The following TUBE1 variants were observed in gnomAD, a reference collection of about 807,000 sequenced individuals.
TUBE1 encodes the protein tubulin epsilon chain.
A neutral mutation model predicts 53.5 loss-of-function variants in TUBE1; 34 were observed. That is an observed-to-expected ratio of 0.64 (90% CI 0.48 to 0.85). The LOEUF (loss-of-function observed/expected upper bound fraction) is 0.85, where lower values mean the gene tolerates loss of function less well. Among genes scored for constraint, TUBE1 ranks in the 40% least tolerant of loss-of-function variants. The pLI is 0.00. For synonymous variants in TUBE1, 177 were observed against 198.4 expected (o/e 0.89, Z 0.91); for missense variants, 532 against 570.5 (o/e 0.93, Z 0.69).
At position 112,076,104 on chromosome 6, in the gene TUBE1, A is replaced by G; in HGVS notation, c.645T>C (p.Phe215=). ...CVLPIDNQSL[F]DIISKIDLMV... The stretch of plus-strand genomic sequence containing the variant: ...TGAGGTCGATTTTGCTAATGATGTC[A>G]AATAAAGACTTTTGAGGGAAAAACA... The change falls in exon 8 of 12, where the codon TTT becomes TTC. Residue 215 remains phenylalanine (F), a synonymous_variant. Transcript: ENST00000368662. 6.2e-7 allele frequency: 1 copy of G among 1,611,316 alleles called. No individual in the cohort carries two copies. Among genetic ancestry groups the G allele is most frequent in the South Asian group, 1.1e-5 (1 of 90,590 alleles).
At chr6:112,080,194 C>G (rs587602044) in intron 5 of TUBE1, among the ~76,000 whole-genome samples, 4 of 151,944 alleles carry the variant, frequency 2.6e-5, no homozygotes, top group South Asian at 2.1e-4. Context: ...CAAACCTATT[C>G]TGGTTTCATA....
intron 3 of TUBE1, 124 bp downstream of exon 3, chr6:112,086,432 T>C (rs1777157998): frequency 1.8e-6 from 1 of 571,358 alleles, no homozygotes; most frequent in Non-Finnish European, 3.0e-6. Flanking sequence ...TAAATATGCT[T>C]TCAATAATGA....
At chr6:112,086,867 G>A (rs1039737033) in intron 2 of TUBE1, 1 of 489,444 alleles carries the variant, frequency 2.0e-6, no homozygotes, top group African/African-American at 2.0e-5. Flanking sequence ...CATCAAATGA[G>A]CGTTCTCTGG....
chr6:112,081,640 G>A (rs992742994), intron 4 of TUBE1, among the ~76,000 whole-genome samples: 2 of 151,952 alleles, frequency 1.3e-5, no homozygotes, highest in African/African-American at 4.8e-5. Flanking sequence ...TTACCATTAC[G>A]TGCAAAGCAA....
At chr6:112,084,037 C>T (rs782697344) in intron 4 of TUBE1, 152 bp downstream of exon 4, 4 of 640,370 alleles carry the variant, frequency 6.2e-6, no homozygotes, top group Admixed American at 5.9e-5. Context: ...GTTAGGTGGA[C>T]ACAAATGTCT....
intron 2 of TUBE1, 99 bp downstream of exon 2, chr6:112,087,134 C>T: frequency 9.4e-7 from 1 of 1,068,050 alleles, no homozygotes; most frequent in Non-Finnish European, 1.4e-6. Flanking sequence ...TCCCATGCAT[C>T]TTAAACGGGT....
Position 112,081,285 on chromosome 6 carries a change from G to A in TUBE1, c.211-78C>T, listed in dbSNP as rs587609029. The A allele has an allele frequency of 7.7e-5, 54 of 697,386 alleles. No homozygotes were observed. In the East Asian group the frequency reaches 8.9e-4, roughly 11 times the overall value. 43.2% of individuals were successfully genotyped at this position (697,386 alleles called of 1,614,324 possible). A position where few individuals can be genotyped will look rare whatever the true frequency, so the allele number is the denominator to read the frequency against. ...CTCTGTAAATGAAAAGAATTTATGC[G>A]CTGAATATTGCACTGTTCTCTTTAT... is the stretch of plus-strand genomic sequence containing the variant. On this transcript the variant is annotated intron_variant, in intron 4 of 11. Transcript: ENST00000368662.
intron 6 of TUBE1, chr6:112,078,494 A>G (rs758148132): frequency 1.3e-5 from 2 of 152,066 alleles, no homozygotes; most frequent in Non-Finnish European, 1.5e-5. Context: ...ATGCTTTGAT[A>G]GGCATAGAAT....
In TUBE1 at chr6:112,081,089, C is replaced by T; in HGVS notation, c.326+3G>A. The T allele has an allele frequency of 6.4e-7, 1 of 1,554,564 alleles. No individual in the cohort carries two copies. On this transcript the variant is annotated splice_donor_region_variant and intron_variant, in intron 5 of 11. Transcript: ENST00000368662. ...ATTCAATTTTTACGCTGTGTATTCT[C>T]ACCAATTATTTCCTGAGCCAGAAAT...
At chr6:112,073,009 A>AAATAT (rs1776896477) in intron 9 of TUBE1, 111 bp from the exon 10 acceptor site, 1 of 804,610 alleles carries the variant, frequency 1.2e-6, no homozygotes, top group Admixed American at 3.0e-5. Context: ...ATATTACACT[A>AAATAT]ACAAAATATT....
intron 4 of TUBE1, among the ~76,000 whole-genome samples, chr6:112,081,964 T>C (rs1354293942): frequency 6.6e-6 from 1 of 151,898 alleles, no homozygotes; most frequent in Non-Finnish European, 1.5e-5. Context: ...TAGAGTTAAA[T>C]AAAAAAAGCA....
chr6:112,083,343 C>T (rs368250456), intron 4 of TUBE1, among the ~76,000 whole-genome samples: 9 of 141,210 alleles, frequency 6.4e-5, no homozygotes, highest in East Asian at 6.1e-4. Flanking sequence ...TTTTTTGAGA[C>T]GGAGTCCCGC....
At chr6:112,081,591 G>A (rs1777071682) in intron 4 of TUBE1, among the ~76,000 whole-genome samples, 1 of 152,018 alleles carries the variant, frequency 6.6e-6, no homozygotes, top group South Asian at 2.1e-4. Flanking sequence ...TGCTCTTTAT[G>A]AACCACAGCT....
chr6:112,085,148 C>T (rs180915949), intron 3 of TUBE1, among the ~76,000 whole-genome samples: 60 of 152,256 alleles, frequency 3.9e-4, no homozygotes, highest in African/African-American at 1.3e-3. Flanking sequence ...TGCATGCCAA[C>T]CCATGCTGTA....
In TUBE1 at chr6:112,081,129, G is replaced by A. The variant is rs1156998570; in HGVS notation, c.289C>T (p.Gln97Ter). 1 of 1,607,192 alleles carries A rather than the reference G, an allele frequency of 6.2e-7. No homozygotes were observed. The highest frequency in any genetic ancestry group is 8.5e-7 in the Non-Finnish European group (1 of 1,176,556). The stretch of plus-strand genomic sequence containing the variant: ...GAGCCAGAAATATCAGTGATGAGCT[G>A]TTTCGTATCAAATACATCTCTCAGT... ...GPLRDVFDTK[Q>*]LITDISGSGN... Residue 97 changes from glutamine to a stop codon, truncating the protein, a stop_gained, in exon 5 of 12, where the codon CAG (glutamine) becomes TAG (stop). Coordinates refer to ENST00000368662, the MANE Select transcript of TUBE1 (RefSeq NM_016262.5). LOFTEE classifies it high-confidence loss of function.
chr6:112,086,895 T>C, intron 2 of TUBE1: 1 of 490,482 alleles, frequency 2.0e-6, no homozygotes, highest in Non-Finnish European at 3.6e-6. Context: ...GTAATCTTTT[T>C]AAAAGCTGAC....
At position 112,081,180 on chromosome 6, in the gene TUBE1, C is replaced by A. The variant is rs1190346920; in HGVS notation, c.238G>T (p.Val80Leu). 1 of 1,605,470 alleles carries A rather than the reference C, an allele frequency of 6.2e-7. No homozygotes were observed. The highest frequency in any genetic ancestry group is 8.5e-7 in the Non-Finnish European group (1 of 1,175,066). ...RAVLIDMEEGVVNEILQGPLR... is the reference protein window; with the variant it reads ...RAVLIDMEEGLVNEILQGPLR... ...GGTCCCTGCAGAATTTCATTCACTA[C>A]CCCTTCTTCCATATCAATCAAGACT... The change falls in exon 5 of 12, where the codon GTA becomes TTA. Residue 80 changes from valine (V) to leucine (L), a missense_variant. By Grantham distance (32) the Val-to-Leu change is conservative (BLOSUM62 1). Coordinates refer to ENST00000368662, the MANE Select transcript of TUBE1 (RefSeq NM_016262.5).
chr6:112,075,889 T>G (rs782475973), intron 8 of TUBE1, 48 bp downstream of exon 8: 1 of 1,470,854 alleles, frequency 6.8e-7, no homozygotes, highest in Non-Finnish European at 9.1e-7. Context: ...ATTCAAAATA[T>G]CTCCAAAAGC....
At chr6:112,077,368 C>G (rs1776988746) in intron 6 of TUBE1, 1 of 152,072 alleles carries the variant, frequency 6.6e-6, no homozygotes, top group Non-Finnish European at 1.5e-5. Context: ...TACATAAATT[C>G]AGAAATTTTT....
Sources: allele counts gnomAD v4.1 joint callset (sites outside exome capture counted in the v4.1 genomes callset), GRCh38; gene constraint gnomAD v4.1.1; transcripts MANE v1.5; gene names NCBI Gene and HGNC (gene_info 2026-07-23, HGNC 2026-07-21).